Variants in GRAMD2B observed in about 807,000 individuals in gnomAD.
GRAMD2B encodes the protein GRAM domain containing 2B.
Under a neutral mutation model 59.2 loss-of-function variants are expected in GRAMD2B, and 41 were observed. The observed-to-expected ratio is 0.69, with a 90% CI of 0.54 to 0.90. The LOEUF (loss-of-function observed/expected upper bound fraction) is 0.90. Among genes scored for constraint, GRAMD2B ranks in the 40% least tolerant of loss-of-function variants. GRAMD2B has a pLI of 0.00. For missense variants in GRAMD2B, 424 were observed against 500.5 expected, an observed-to-expected ratio of 0.85 and a Z score of 1.46; for synonymous variants, 161 against 182.7, an observed-to-expected ratio of 0.88 and a Z score of 0.96.
In GRAMD2B at chr5:126,486,957, T is replaced by G; in HGVS notation, c.1143T>G (p.Ile381Met). 2 of 1,597,464 alleles carry G rather than the reference T, an allele frequency of 1.3e-6. No homozygotes were observed. Among genetic ancestry groups the G allele is most frequent in the South Asian group, 2.2e-5 (2 of 90,688 alleles). The change falls in exon 12 of 14, where the codon ATT becomes ATG. Residue 381 changes from isoleucine (I) to methionine (M), a missense_variant. Transcript: ENST00000285689. ...AGCAGCTGGGGTTACTAACCTCCAT[T>G]GTGGACACCCATAATACTGAGTAAG... ...LEEQLGLLTSIVDTHNTEQAA... is the reference protein window; with the variant it reads ...LEEQLGLLTSMVDTHNTEQAA...
At chr5:126,485,585 C>T in intron 10 of GRAMD2B, 101 bp from the exon 11 acceptor site, 2 of 643,038 alleles carry the variant, frequency 3.1e-6, no homozygotes, top group South Asian at 2.1e-5. Flanking sequence ...TTTCTTTTAC[C>T]TGGGAACAAT....
At chr5:126,401,039 CTT>C (rs1757791381) in intron 1 of GRAMD2B, among the ~76,000 whole-genome samples, 2 of 152,042 alleles carry the variant, frequency 1.3e-5, no homozygotes, top group African/African-American at 2.4e-5. Flanking sequence ...TCCCATTTCT[CTT>C]TTCTTTCAGA....
chr5:126,367,167 C>T (rs905526399), upstream of GRAMD2B, among the ~76,000 whole-genome samples: 5 of 151,958 alleles, frequency 3.3e-5, no homozygotes, highest in Admixed American at 6.6e-5. Context: ...CAGACCAAGG[C>T]TTTTTTTATC....
intron 1 of GRAMD2B, among the ~76,000 whole-genome samples, chr5:126,427,271 C>G (rs1165479918): frequency 6.6e-6 from 1 of 152,192 alleles, no homozygotes; most frequent in Non-Finnish European, 1.5e-5. Context: ...AAACCCCTAC[C>G]CTTGACACAC....
intron 1 of GRAMD2B, among the ~76,000 whole-genome samples, chr5:126,434,967 G>T (rs1762177622): frequency 6.6e-6 from 1 of 152,170 alleles, no homozygotes; most frequent in Non-Finnish European, 1.5e-5. Context: ...GGTCAGAATG[G>T]ACTCATTAGC....
chr5:126,434,707 C>T (rs1280337416), intron 1 of GRAMD2B, among the ~76,000 whole-genome samples: 6 of 152,014 alleles, frequency 3.9e-5, no homozygotes, highest in Non-Finnish European at 5.9e-5. Flanking sequence ...TTAGTAGAGA[C>T]GGGGTTTGAC....
intron 1 of GRAMD2B, among the ~76,000 whole-genome samples, chr5:126,457,191 CAA>C (rs559904336): frequency 1.3e-3 from 81 of 63,982 alleles, no homozygotes; most frequent in African/African-American, 4.2e-3. Context: ...GACTCCGTCT[CAA>C]AAAAAAAAAA....
intron 1 of GRAMD2B, among the ~76,000 whole-genome samples, chr5:126,395,762 C>CTG (rs143281468): frequency 1.8e-4 from 27 of 151,456 alleles, no homozygotes; most frequent in African/African-American, 4.1e-4. Context: ...GAGGGAGTGT[C>CTG]TGTGTGTGTG....
At chr5:126,360,962 G>A (rs539289560) in intron 1 of GRAMD2B, among the ~76,000 whole-genome samples, 2 of 152,146 alleles carry the variant, frequency 1.3e-5, no homozygotes, top group Non-Finnish European at 2.9e-5. Context: ...GGTAGGTTTG[G>A]GTTTGGGTTA....
intron 1 of GRAMD2B, among the ~76,000 whole-genome samples, chr5:126,413,169 T>C (rs567179593): frequency 6.6e-6 from 1 of 152,224 alleles, no homozygotes; most frequent in African/African-American, 2.4e-5. Context: ...TGTTCTTGTT[T>C]TTCTAGTTTC....
chr5:126,371,636 C>A, intron 1 of GRAMD2B: 1 of 1,176,888 alleles, frequency 8.5e-7, no homozygotes, highest in African/African-American at 1.6e-5. Context: ...AACTGGTGAC[C>A]CTTGGAGAGC....
At chr5:126,394,166 T>A (rs1757129321) in intron 1 of GRAMD2B, among the ~76,000 whole-genome samples, 1 of 151,318 alleles carries the variant, frequency 6.6e-6, no homozygotes, top group Non-Finnish European at 1.5e-5. Flanking sequence ...TCCCAGCTAC[T>A]CGGGAGGCTG....
chr5:126,427,959 G>A (rs898148663), intron 1 of GRAMD2B, among the ~76,000 whole-genome samples: 4 of 152,128 alleles, frequency 2.6e-5, no homozygotes, highest in Non-Finnish European at 2.9e-5. Flanking sequence ...CTGACAGGCT[G>A]GGTGTGGTAG....
At chr5:126,444,399 T>C (rs944849784) in intron 1 of GRAMD2B, among the ~76,000 whole-genome samples, 1 of 152,232 alleles carries the variant, frequency 6.6e-6, no homozygotes, top group Non-Finnish European at 1.5e-5. Flanking sequence ...ATTATTGTTT[T>C]GTAAAAGCCA....
At chr5:126,439,960 A>C (rs1581000148) in intron 1 of GRAMD2B, among the ~76,000 whole-genome samples, 1 of 151,690 alleles carries the variant, frequency 6.6e-6, no homozygotes, top group Non-Finnish European at 1.5e-5. Flanking sequence ...CTCCTCCTTC[A>C]CCTTCCACCG....
upstream of GRAMD2B, among the ~76,000 whole-genome samples, chr5:126,370,250 T>G (rs1406309053): frequency 6.6e-6 from 1 of 152,162 alleles, no homozygotes; most frequent in Non-Finnish European, 1.5e-5. Context: ...GTTCTTAGGG[T>G]CAATACAGCA....
intron 1 of GRAMD2B, among the ~76,000 whole-genome samples, chr5:126,365,781 G>A (rs1028221002): frequency 6.6e-6 from 1 of 151,390 alleles, no homozygotes; most frequent in African/African-American, 2.4e-5. Flanking sequence ...TCAACAGAAA[G>A]TTCTGCAAAC....
chr5:126,490,625 G>C (rs2126983871), intron 13 of GRAMD2B, among the ~76,000 whole-genome samples: 1 of 152,296 alleles, frequency 6.6e-6, no homozygotes, highest in East Asian at 1.9e-4. Flanking sequence ...TTAAAAAAGA[G>C]GTACCAGGCC....
intron 1 of GRAMD2B, among the ~76,000 whole-genome samples, chr5:126,385,875 G>A (rs76597886): frequency 0.013 from 1,923 of 152,284 alleles, 26 homozygotes; most frequent in Admixed American, 0.03. Context: ...GGAAGAGAGG[G>A]AGAGGGAGAG....
Sources: gnomAD v4.1 joint callset for allele counts (sites outside exome capture counted in the v4.1 genomes callset) on GRCh38, gnomAD v4.1.1 for gene constraint, MANE v1.5 for transcripts, NCBI Gene and HGNC (gene_info 2026-07-23, HGNC 2026-07-21) for gene names.